UBE2V1: variants seen among roughly 807,000 people sequenced by gnomAD.
UBE2V1 encodes ubiquitin conjugating enzyme E2 V1, also known as ubiquitin-conjugating enzyme E2 variant 1.
A neutral mutation model predicts 19.6 loss-of-function variants in UBE2V1; 15 were observed. The ratio of observed to expected loss-of-function variants is 0.77; its 90% confidence interval spans 0.51 to 1.18. The LOEUF is 1.18. UBE2V1 is among the 50% of genes most tolerant of loss of function. The probability of loss-of-function intolerance (pLI) is 0.00; values close to 1 mark genes in which losing one functional copy is unlikely to be tolerated. For missense variants in UBE2V1, 125 were observed against 184.8 expected (o/e 0.68, Z 1.88); for synonymous variants, 60 against 60.7 (o/e 0.99, Z 0.05).
chr20:50,115,733 T>C, upstream of UBE2V1: 3 of 843,550 alleles, frequency 3.6e-6, no homozygotes, highest in Non-Finnish European at 4.8e-6. Context: ...TCCTCACAAC[T>C]CGATGCAGCA....
chr20:50,094,298 T>TCATTATATTATAATGCATTATATA (rs59144352), intron 2 of UBE2V1, among the ~76,000 whole-genome samples: 1 of 81,140 alleles, frequency 1.2e-5, no homozygotes, highest in Non-Finnish European at 2.4e-5. Flanking sequence ...AATATATAAT[T>TCATTATATTATAATGCATTATATA]ATATATAATA....
At chr20:50,111,043 C>G (rs2080717884) in intron 1 of UBE2V1, among the ~76,000 whole-genome samples, 1 of 152,154 alleles carries the variant, frequency 6.6e-6, no homozygotes, top group Admixed American at 6.5e-5. Flanking sequence ...GCCTTCTCTC[C>G]CTGACTTGAA....
At position 50,091,721 on chromosome 20, in the gene UBE2V1, A is replaced by G. The variant is rs146723597; in HGVS notation, c.171+4951T>C. Among the ~76,000 whole-genome samples the G allele has an allele frequency of 6.1e-3, 934 of 152,308 alleles. 8 individuals are homozygous for G. The highest frequency in any genetic ancestry group is 0.021 in the African/African-American group (885 of 41,560). On this transcript the variant is annotated intron_variant, in intron 2 of 3. Coordinates refer to ENST00000371674, the MANE Select transcript of UBE2V1 (RefSeq NM_001032288.3). ...AAGCTTTTAAAAAAGAGATCAGTCA[A>G]TATGCACTGATATAGAAAGATGTCC...
chr20:50,106,074 G>C (rs1471958019), intron 1 of UBE2V1, among the ~76,000 whole-genome samples: 1 of 151,748 alleles, frequency 6.6e-6, no homozygotes, highest in African/African-American at 2.4e-5. Context: ...TAATCAAATA[G>C]ACTATGACTA....
upstream of UBE2V1, chr20:50,115,495 A>C: frequency 6.3e-7 from 1 of 1,581,750 alleles, no homozygotes; most frequent in Non-Finnish European, 8.6e-7. Context: ...CTTTGCAGTG[A>C]AATTTTCTAG....
chr20:50,084,814 CTTTTT>C, intron 2 of UBE2V1: 4 of 159,724 alleles, frequency 2.5e-5, no homozygotes, highest in South Asian at 1.7e-4. Context: ...TCCCTGCAGT[CTTTTT>C]TTTTTTTTTT....
At chr20:50,082,977 G>C in intron 3 of UBE2V1, 63 bp from the exon 4 acceptor site, 1 of 1,586,820 alleles carries the variant, frequency 6.3e-7, no homozygotes, top group Non-Finnish European at 8.5e-7. Context: ...CTATATGCCG[G>C]GGTTAAGCTA....
At chr20:50,091,746 C>T (rs1332246908) in intron 2 of UBE2V1, among the ~76,000 whole-genome samples, 1 of 152,044 alleles carries the variant, frequency 6.6e-6, no homozygotes, top group East Asian at 1.9e-4. Flanking sequence ...GAAAGATGTC[C>T]ACCATCTATT....
rs776296012 is a variant in UBE2V1, at chr20:50,106,332, G to A, written c.22+6775C>T. ...AAAATATGGCAACCAGGTTGAAAAAGCATGAATATTTGATAGAGCTTTACA... is the reference window on the plus strand; with the variant it reads ...AAAATATGGCAACCAGGTTGAAAAAACATGAATATTTGATAGAGCTTTACA... On this transcript the variant is annotated intron_variant, in intron 1 of 3. Transcript: ENST00000371674. Among the ~76,000 whole-genome samples, 3 of 152,158 alleles carry A rather than the reference G, an allele frequency of 2.0e-5. No individual in the cohort carries two copies. In the South Asian group the frequency reaches 6.2e-4, roughly 31 times the overall value.
intron 1 of UBE2V1, among the ~76,000 whole-genome samples, chr20:50,102,532 T>G (rs2080071166): frequency 6.6e-6 from 1 of 152,110 alleles, no homozygotes. Context: ...ATATATTACC[T>G]CCCACATGCG....
intron 1 of UBE2V1, among the ~76,000 whole-genome samples, chr20:50,110,915 A>G (rs1569024913): frequency 1.3e-5 from 2 of 152,078 alleles, no homozygotes; most frequent in African/African-American, 2.4e-5. Context: ...AGCTCTTTCC[A>G]TTATTTGACT....
chr20:50,099,025 C>A (rs2079816435), intron 1 of UBE2V1: 1 of 954,746 alleles, frequency 1.0e-6, no homozygotes, highest in Admixed American at 6.2e-5. Context: ...CCAGACAACA[C>A]AACTATTGTT....
chr20:50,095,765 T>C (rs2079581429), intron 2 of UBE2V1: 1 of 152,232 alleles, frequency 6.6e-6, no homozygotes, highest in Non-Finnish European at 1.5e-5. Context: ...TGTGTCACAG[T>C]ATGGAAATCA....
At chr20:50,106,652 G>T (rs191497288) in intron 1 of UBE2V1, among the ~76,000 whole-genome samples, 13 of 152,088 alleles carry the variant, frequency 8.5e-5, no homozygotes, top group Admixed American at 1.3e-4. Flanking sequence ...CCAAGATGGA[G>T]AAACCCCGTC....
chr20:50,082,657 C>T lies in UBE2V1; in HGVS notation c.*111G>A, dbSNP rs1366614450. 1.7e-5 allele frequency: 26 copies of T among 1,490,628 alleles called. No individual in the cohort carries two copies. Among genetic ancestry groups the T allele is most frequent in the African/African-American group, 4.2e-5 (3 of 71,352 alleles). 92.3% of individuals were successfully genotyped at this position (1,490,628 alleles called of 1,614,324 possible). On this transcript the variant is annotated 3_prime_UTR_variant, in exon 4 of 4. Coordinates refer to ENST00000371674, the MANE Select transcript of UBE2V1 (RefSeq NM_001032288.3). ...TTCCTTTGAATGGGAGCTTCCTTTC[C>T]GGTACTTTGAGGTCTACAAGACGTA...
chr20:50,094,653 T>G (rs190136167), intron 2 of UBE2V1, among the ~76,000 whole-genome samples: 1 of 152,100 alleles, frequency 6.6e-6, no homozygotes, highest in African/African-American at 2.4e-5. Context: ...GAATTCCATT[T>G]ATAATAGATG....
upstream of UBE2V1, chr20:50,115,937 C>G (rs2080992136): frequency 6.0e-6 from 1 of 167,444 alleles, no homozygotes. Context: ...CCGAGCTCAT[C>G]GCAGGAAGAG....
At chr20:50,090,067 G>A (rs1341246924) in intron 2 of UBE2V1, among the ~76,000 whole-genome samples, 1 of 152,160 alleles carries the variant, frequency 6.6e-6, no homozygotes, top group Non-Finnish European at 1.5e-5. Context: ...TCCTCTGCTG[G>A]CCTCCCAAAC....
At chr20:50,099,469 C>T (rs1306098527) in intron 1 of UBE2V1, among the ~76,000 whole-genome samples, 1 of 152,206 alleles carries the variant, frequency 6.6e-6, no homozygotes, top group Admixed American at 6.5e-5. Flanking sequence ...GCTGTTATCT[C>T]TGGGTAAAAG....
Sources: allele counts gnomAD v4.1 joint callset (sites outside exome capture counted in the v4.1 genomes callset), GRCh38; gene constraint gnomAD v4.1.1; transcripts MANE v1.5; gene names NCBI Gene and HGNC (gene_info 2026-07-23, HGNC 2026-07-21).